Variants in NOSIP observed in about 807,000 individuals in gnomAD.
NOSIP encodes nitric oxide synthase-interacting protein.
Under a neutral mutation model 36.4 loss-of-function variants are expected in NOSIP, and 25 were observed. The ratio of observed to expected loss-of-function variants is 0.69; its 90% CI spans 0.50 to 0.96. The LOEUF (loss-of-function observed/expected upper bound fraction) is 0.96. NOSIP is among the 40% of genes least tolerant of loss of function. NOSIP has a pLI of 0.00. For synonymous variants in NOSIP, 187 were observed against 179.2 expected (o/e 1.04, Z -0.35); for missense variants, 370 against 429.0 (o/e 0.86, Z 1.21).
intron 1 of NOSIP, chr19:49,566,652 G>A (rs2080412101): frequency 1.3e-5 from 2 of 152,274 alleles, no homozygotes; most frequent in Admixed American, 6.6e-5. Flanking sequence ...AAGGGTGTGT[G>A]CATTTAAAAT....
At chr19:49,576,993 A>G (rs13346402) in intron 1 of NOSIP, among the ~76,000 whole-genome samples, 9,278 of 152,162 alleles carry the variant, frequency 0.061, 294 homozygotes, top group South Asian at 0.12. Flanking sequence ...ACACAATTTG[A>G]AAATGGGTAA....
chr19:49,568,951 C>T (rs1395725555), intron 1 of NOSIP, among the ~76,000 whole-genome samples: 5 of 149,148 alleles, frequency 3.4e-5, no homozygotes, highest in Non-Finnish European at 6.0e-5. Flanking sequence ...TACAGGCCTG[C>T]ACCACCACGC....
chr19:49,573,333 G>A (rs1435734774), intron 1 of NOSIP, among the ~76,000 whole-genome samples: 1 of 152,164 alleles, frequency 6.6e-6, no homozygotes, highest in Non-Finnish European at 1.5e-5. Context: ...GCCAAGGTTT[G>A]CCTCCTCCAA....
chr19:49,562,298 A>G (rs1391776695), intron 1 of NOSIP, among the ~76,000 whole-genome samples: 1 of 151,962 alleles, frequency 6.6e-6, no homozygotes, highest in Non-Finnish European at 1.5e-5. Flanking sequence ...ATTTTTTTGT[A>G]TTTTTAGTAG....
At chr19:49,572,845 G>T (rs1003074400) in intron 1 of NOSIP, among the ~76,000 whole-genome samples, 1 of 151,566 alleles carries the variant, frequency 6.6e-6, no homozygotes, top group Non-Finnish European at 1.5e-5. Context: ...GTGGTGGCAG[G>T]TGCCTGTAGT....
At chr19:49,574,359 G>A (rs1947297306) in intron 1 of NOSIP, among the ~76,000 whole-genome samples, 1 of 152,134 alleles carries the variant, frequency 6.6e-6, no homozygotes, top group African/African-American at 2.4e-5. Flanking sequence ...GGGAGAATAG[G>A]AAAACTGCCA....
intron 3 of NOSIP, chr19:49,559,510 C>CAAAA (rs112494970): frequency 7.6e-4 from 127 of 166,740 alleles, no homozygotes; most frequent in Middle Eastern, 3.1e-3. Context: ...GACTCTGTCT[C>CAAAA]AAAAAAAAAA....
intron 6 of NOSIP, 44 bp downstream of exon 6, chr19:49,556,831 T>G (rs1346016136): frequency 2.5e-6 from 4 of 1,596,344 alleles, no homozygotes; most frequent in Non-Finnish European, 3.4e-6. Context: ...TGGGGAACCC[T>G]GGCGCCCTGG....
chr19:49,573,790 T>G (rs2080516142), intron 1 of NOSIP, among the ~76,000 whole-genome samples: 1 of 151,528 alleles, frequency 6.6e-6, no homozygotes, highest in Non-Finnish European at 1.5e-5. Flanking sequence ...TTATTTTATT[T>G]TATGTATGTA....
intron 4 of NOSIP, chr19:49,558,216 A>C (rs1373020979): frequency 1.3e-5 from 2 of 150,844 alleles, no homozygotes; most frequent in Non-Finnish European, 2.9e-5. Context: ...CCCAGAAAAA[A>C]TGAGGTGATG....
chr19:49,567,774 C>T (rs751077357), intron 1 of NOSIP, among the ~76,000 whole-genome samples: 8 of 152,020 alleles, frequency 5.3e-5, no homozygotes, highest in Non-Finnish European at 1.0e-4. Context: ...TGTGTTCAAG[C>T]GATTCTCCTG....
Position 49,559,260 on chromosome 19 carries a change from G to C in NOSIP, c.177-282C>G, listed in dbSNP as rs548585453. The C allele has an allele frequency of 7.1e-4, 274 of 384,156 alleles. 1 individual carries two copies. Among genetic ancestry groups the C allele is most frequent in the African/African-American group, 5.3e-3 (260 of 49,046 alleles). 23.8% of individuals were successfully genotyped at this position (384,156 alleles called of 1,614,324 possible). ...CTCTCCCAATAGAGCTGCAGGGAAA[G>C]TGCTTCATTCTCTCAGCAACAATGT... On this transcript the variant is annotated intron_variant, in intron 3 of 8. Transcript: ENST00000596358.
chr19:49,579,065 A>T (rs2080590738), intron 1 of NOSIP: 1 of 152,236 alleles, frequency 6.6e-6, no homozygotes, highest in Non-Finnish European at 1.5e-5. Context: ...TTACACCAAG[A>T]AATAACCAAA....
chr19:49,568,798 G>GTTTTT lies in NOSIP; in HGVS notation c.-1-8107_-1-8106insAAAAA, dbSNP rs750047416. Among the ~76,000 whole-genome samples, 109 of 106,810 alleles carry GTTTTT rather than the reference G, an allele frequency of 1.0e-3. 8 individuals are homozygous for GTTTTT. Among genetic ancestry groups the GTTTTT allele is most frequent in the African/African-American group, 2.4e-3 (34 of 14,194 alleles). 70.1% of individuals were successfully genotyped at this position (106,810 alleles called of 152,430 possible). On this transcript the variant is annotated intron_variant, in intron 1 of 8. Transcript: ENST00000596358. ...CATCTCTAAAAAAAAAAAAAAAATA[G>GTTTTT]TTTGTTTGTTTGTTTTTTTTTTTGA...
At chr19:49,564,819 T>C (rs559658425) in intron 1 of NOSIP, among the ~76,000 whole-genome samples, 64 of 152,212 alleles carry the variant, frequency 4.2e-4, no homozygotes, top group African/African-American at 1.4e-3. Flanking sequence ...TATCACATAA[T>C]GGAAACACCC....
At position 49,557,210 on chromosome 19, in the gene NOSIP, T is replaced by C. The variant is rs776532299; in HGVS notation, c.298A>G (p.Lys100Glu). ...KQRGTRREEQ[K>E]ELQRAASQDH... The stretch of plus-strand genomic sequence containing the variant: ...TGCGAGGCCGCCCGCTGAAGCTCCT[T>C]CTGCTCCTCGCGCCGGGTGCCCCGC... The change falls in exon 5 of 9, where the codon AAG (lysine) becomes GAG (glutamate). Residue 100 changes from lysine to glutamate, a missense_variant. Lys to Glu is a moderately conservative substitution (Grantham distance 56). This residue lies in a region of NOSIP where 315 missense variants were observed against 331.9 expected (regional missense o/e 0.95). Transcript: ENST00000596358. 4.4e-6 allele frequency: 7 copies of C among 1,602,206 alleles called. No homozygotes were observed. The highest frequency in any genetic ancestry group is 6.0e-6 in the Non-Finnish European group (7 of 1,175,110).
chr19:49,565,585 C>CA (rs1298955803), intron 1 of NOSIP, among the ~76,000 whole-genome samples: 208 of 151,552 alleles, frequency 1.4e-3, no homozygotes, highest in African/African-American at 4.7e-3. Context: ...CCCATCTCTA[C>CA]AAAAAAATAT....
chr19:49,569,362 T>A (rs1302830272), intron 1 of NOSIP, among the ~76,000 whole-genome samples: 3 of 149,144 alleles, frequency 2.0e-5, no homozygotes, highest in African/African-American at 2.5e-5. Context: ...CCCAGCTAAT[T>A]TTTTTTATTT....
intron 3 of NOSIP, chr19:49,559,400 C>A: frequency 1.1e-5 from 2 of 183,276 alleles, no homozygotes; most frequent in South Asian, 2.1e-4. Flanking sequence ...ACCCGTGGTT[C>A]CAGCTACTCG....
Sources: allele counts gnomAD v4.1 joint callset (sites outside exome capture counted in the v4.1 genomes callset), GRCh38; gene constraint gnomAD v4.1.1; regional missense constraint gnomAD v4.1.1; transcripts MANE v1.5; gene names NCBI Gene and HGNC (gene_info 2026-07-23, HGNC 2026-07-21).